ARID4B: variants seen among roughly 807,000 people sequenced by gnomAD.
The protein encoded by ARID4B is AT-rich interaction domain 4B, also known as AT-rich interactive domain-containing protein 4B.
Under a neutral mutation model 147.5 loss-of-function variants are expected in ARID4B, and 26 were observed. The observed-to-expected ratio is 0.18, with a 90% CI of 0.13 to 0.24. The LOEUF (loss-of-function observed/expected upper bound fraction) is 0.24. ARID4B is among the 10% of genes least tolerant of loss of function. The pLI is 1.00. For synonymous variants in ARID4B, 512 were observed against 507.9 expected (o/e 1.01, Z -0.11); for missense variants, 1,179 against 1,511.5 (o/e 0.78, Z 3.65).
rs571499133 is a variant in ARID4B at position 235,243,061 on chromosome 1, C to T, written c.447-2610G>A. ...ATCTCCTCCCCTGAGAGAATGTAAG[C>T]TCTCAAGTTGAAGATTTTTTAAGTA... is the stretch of plus-strand genomic sequence containing the variant. On this transcript the variant is annotated intron_variant, in intron 7 of 23. Coordinates refer to ENST00000264183, the MANE Select transcript of ARID4B (RefSeq NM_016374.6). 3.9e-5 allele frequency among the ~76,000 whole-genome samples: 6 copies of T among 152,098 alleles called. No individual in the cohort carries two copies. The South Asian group carries it at 6.2e-4, about 16-fold the overall frequency.
intron 17 of ARID4B, among the ~76,000 whole-genome samples, chr1:235,199,527 T>C (rs1665738118): frequency 1.3e-5 from 2 of 152,190 alleles, no homozygotes; most frequent in Admixed American, 1.3e-4. Context: ...TGAAAGACAG[T>C]GCTTGCCAAA....
At chr1:235,227,893 C>T (rs533389361) in intron 11 of ARID4B, among the ~76,000 whole-genome samples, 120 of 144,796 alleles carry the variant, frequency 8.3e-4, no homozygotes, top group African/African-American at 2.9e-3. Context: ...AGAACAATGG[C>T]GCAATCTCAG....
chr1:235,277,274 G>A lies in ARID4B; in HGVS notation c.7-16522C>T, dbSNP rs146130625. 7.4e-4 allele frequency among the ~76,000 whole-genome samples: 113 copies of A among 151,844 alleles called. 1 individual carries two copies. The highest frequency in any genetic ancestry group is 2.6e-3 in the African/African-American group (109 of 41,420). ...AATTTAAAAAAGATTTTAGAGGCTGGGTGCAGTGTAATCCCAGCACTATGG... is the reference window on the plus strand; with the variant it reads ...AATTTAAAAAAGATTTTAGAGGCTGAGTGCAGTGTAATCCCAGCACTATGG... On this transcript the variant is annotated intron_variant, in intron 2 of 23. Coordinates refer to ENST00000264183, the MANE Select transcript of ARID4B (RefSeq NM_016374.6).
intron 2 of ARID4B, among the ~76,000 whole-genome samples, chr1:235,280,572 A>C (rs1171721253): frequency 1.3e-5 from 2 of 152,270 alleles, no homozygotes; most frequent in African/African-American, 2.4e-5. Flanking sequence ...GCCAGAACCC[A>C]AGATGGCAGC....
chr1:235,207,928 G>T (rs1666429387), intron 17 of ARID4B, among the ~76,000 whole-genome samples: 1 of 152,096 alleles, frequency 6.6e-6, no homozygotes. Context: ...TCAGTTCTCT[G>T]TAACTGTTAA....
chr1:235,184,152 T>C (rs1221087966), intron 19 of ARID4B, among the ~76,000 whole-genome samples: 1 of 152,178 alleles, frequency 6.6e-6, no homozygotes, highest in South Asian at 2.1e-4. Context: ...TTTTAAAGAA[T>C]AGATATAATT....
chr1:235,305,528 A>C (rs1464514107), intron 2 of ARID4B, among the ~76,000 whole-genome samples: 1 of 152,232 alleles, frequency 6.6e-6, no homozygotes, highest in African/African-American at 2.4e-5. Context: ...GAAGTAGTTT[A>C]GGTTTAAATC....
At chr1:235,235,156 C>T (rs1668472384) in intron 8 of ARID4B, among the ~76,000 whole-genome samples, 1 of 151,990 alleles carries the variant, frequency 6.6e-6, no homozygotes. Context: ...AGTTTTCTGC[C>T]TTGTACAAAT....
Position 235,167,078 on chromosome 1 carries a change from T to C in ARID4B, c.*1447A>G, listed in dbSNP as rs1663018451. 3 of 186,280 alleles carry C rather than the reference T, an allele frequency of 1.6e-5. No homozygotes were observed. The highest frequency in any genetic ancestry group is 3.9e-4 in the South Asian group (2 of 5,108). 11.5% of individuals were successfully genotyped at this position (186,280 alleles called of 1,614,324 possible). A position where few individuals can be genotyped will look rare whatever the true frequency, so the allele number is the denominator to read the frequency against. On this transcript the variant is annotated 3_prime_UTR_variant, in exon 24 of 24. Coordinates refer to ENST00000264183, the MANE Select transcript of ARID4B (RefSeq NM_016374.6). ...ACAGTCCTGTACAAATTTGAATAAC[T>C]TGAAACCATTTTCAACAAAATTAGT...
chr1:235,277,543 A>ATAAT (rs1245634505), intron 2 of ARID4B, among the ~76,000 whole-genome samples: 8 of 141,158 alleles, frequency 5.7e-5, no homozygotes, highest in African/African-American at 1.7e-4. Flanking sequence ...TCTCAAAAAA[A>ATAAT]AAAAAAAATA....
chr1:235,202,881 C>T (rs1395207886), intron 17 of ARID4B, among the ~76,000 whole-genome samples: 1 of 152,034 alleles, frequency 6.6e-6, no homozygotes, highest in African/African-American at 2.4e-5. Flanking sequence ...GACTCCAAGA[C>T]CATAAGTACA....
At chr1:235,248,856 CT>C (rs1253650626) in intron 6 of ARID4B, among the ~76,000 whole-genome samples, 1 of 152,030 alleles carries the variant, frequency 6.6e-6, no homozygotes, top group African/African-American at 2.4e-5. Context: ...CATCTTAGAC[CT>C]AAAGAGCAAA....
chr1:235,258,161 T>C (rs938352070), intron 3 of ARID4B, among the ~76,000 whole-genome samples: 1 of 151,990 alleles, frequency 6.6e-6, no homozygotes, highest in African/African-American at 2.4e-5. Flanking sequence ...TGAAGCCCCA[T>C]CTCTATTAAA....
intron 12 of ARID4B, among the ~76,000 whole-genome samples, chr1:235,224,386 C>CT (rs912919229): frequency 6.6e-6 from 1 of 152,172 alleles, no homozygotes; most frequent in African/African-American, 2.4e-5. Flanking sequence ...TGTCACACTT[C>CT]TTTATCTATT....
At chr1:235,192,523 A>C (rs1049652246) in intron 19 of ARID4B, among the ~76,000 whole-genome samples, 2 of 152,226 alleles carry the variant, frequency 1.3e-5, no homozygotes, top group African/African-American at 2.4e-5. Context: ...GTGAGTAAAT[A>C]AAAATATAGT....
intron 17 of ARID4B, among the ~76,000 whole-genome samples, chr1:235,200,130 C>G (rs1316040406): frequency 2.6e-5 from 4 of 152,136 alleles, no homozygotes; most frequent in Admixed American, 6.5e-5. Context: ...ACCAGCCTGG[C>G]CAACGTGGTG....
At position 235,203,924 on chromosome 1, in the gene ARID4B, TCTGA is replaced by T. The variant is rs555336208; in HGVS notation, c.1842-7813_1842-7810del. On this transcript the variant is annotated intron_variant, in intron 17 of 23. Coordinates refer to ENST00000264183, the MANE Select transcript of ARID4B (RefSeq NM_016374.6). ...TAATCTCAATTTATATGTATTTTAA[TCTGA>T]CTATCTAAAACAAGATATATGAAAA... 2.8e-3 allele frequency among the ~76,000 whole-genome samples: 425 copies of T among 152,336 alleles called. 2 individuals carry two copies. The highest frequency in any genetic ancestry group is 0.024 in the Middle Eastern group (7 of 294).
At chr1:235,265,596 G>A (rs1190548029) in intron 2 of ARID4B, among the ~76,000 whole-genome samples, 1 of 151,944 alleles carries the variant, frequency 6.6e-6, no homozygotes, top group Non-Finnish European at 1.5e-5. Context: ...CTATGAGGGA[G>A]GCTAAGGTGG....
At chr1:235,206,617 G>A (rs1666321342) in intron 17 of ARID4B, among the ~76,000 whole-genome samples, 1 of 152,158 alleles carries the variant, frequency 6.6e-6, no homozygotes, top group Non-Finnish European at 1.5e-5. Context: ...CAAGAAAAAT[G>A]GTTGTAGCTG....
Sources: gnomAD v4.1 joint callset for allele counts (sites outside exome capture counted in the v4.1 genomes callset) on GRCh38, gnomAD v4.1.1 for gene constraint, MANE v1.5 for transcripts, NCBI Gene and HGNC (gene_info 2026-07-23, HGNC 2026-07-21) for gene names.